Variants in TEX36 observed in about 807,000 individuals in gnomAD.
TEX36 encodes the protein testis-expressed protein 36.
Under a neutral mutation model 13.6 loss-of-function variants are expected in TEX36, and 12 were observed. That is an observed-to-expected ratio of 0.88 (90% CI 0.56 to 1.43). The LOEUF (loss-of-function observed/expected upper bound fraction) is 1.43, where lower values mean the gene tolerates loss of function less well. Among genes scored for constraint, TEX36 ranks in the 40% most tolerant of loss-of-function variants. The pLI is 0.00. For missense variants in TEX36, 224 were observed against 228.3 expected, an observed-to-expected ratio of 0.98 and a Z score of 0.12; for synonymous variants, 93 against 83.0, an observed-to-expected ratio of 1.12 and a Z score of -0.65.
intron 3 of TEX36, among the ~76,000 whole-genome samples, chr10:125,612,807 A>T (rs183290963): frequency 4.1e-4 from 49 of 120,436 alleles, no homozygotes; most frequent in African/African-American, 2.1e-3. Flanking sequence ...TTTTACAAAC[A>T]GGAAAAAAAA....
At chr10:125,657,237 A>G (rs1374192386) in intron 3 of TEX36, among the ~76,000 whole-genome samples, 1 of 152,198 alleles carries the variant, frequency 6.6e-6, no homozygotes. Flanking sequence ...TGCAAGCCAC[A>G]TTCCAATTAG....
intron 3 of TEX36, among the ~76,000 whole-genome samples, chr10:125,612,066 C>CTTTTCT (rs1003065074): frequency 2.0e-4 from 30 of 149,908 alleles, no homozygotes; most frequent in East Asian, 7.8e-4. Context: ...CTTTTCTTTT[C>CTTTTCT]TTTTCTTTTT....
chr10:125,628,865 G>A (rs192026680), intron 3 of TEX36, among the ~76,000 whole-genome samples: 101 of 152,296 alleles, frequency 6.6e-4, no homozygotes, highest in Admixed American at 1.2e-3. Context: ...TGGTAGGGGG[G>A]ACAGAAGAGT....
chr10:125,652,548 G>A (rs558829839), downstream of TEX36, among the ~76,000 whole-genome samples: 3 of 152,270 alleles, frequency 2.0e-5, no homozygotes, highest in East Asian at 5.8e-4. Flanking sequence ...AGAAAACCTA[G>A]GCAATACCCT....
rs545897684 is a variant in TEX36, at chr10:125,593,060, G to C, written c.265-16186C>G. On this transcript the variant is annotated intron_variant, in intron 3 of 3. Coordinates refer to the TEX36 transcript ENST00000532135. ...GTGATGGATTACATCACTGGCCACTGGTGATGAAATCAACCTTCATCCTCT... is the reference window on the plus strand; with the variant it reads ...GTGATGGATTACATCACTGGCCACTCGTGATGAAATCAACCTTCATCCTCT... Among the ~76,000 whole-genome samples, 6 of 152,322 alleles carry C rather than the reference G, an allele frequency of 3.9e-5. No individual in the cohort carries two copies. In the East Asian group the frequency reaches 7.7e-4, roughly 20 times the overall value.
At chr10:125,596,455 A>C (rs1306004973) in intron 3 of TEX36, among the ~76,000 whole-genome samples, 1 of 152,204 alleles carries the variant, frequency 6.6e-6, no homozygotes, top group Admixed American at 6.5e-5. Context: ...CCATGAATTA[A>C]GGAATACCAG....
At chr10:125,658,664 A>G (rs1230390472) in intron 3 of TEX36, among the ~76,000 whole-genome samples, 4 of 152,130 alleles carry the variant, frequency 2.6e-5, no homozygotes, top group African/African-American at 9.6e-5. Context: ...AGAATCTTAG[A>G]TTATACTCTG....
chr10:125,608,752 A>G (rs1202729517), intron 3 of TEX36, among the ~76,000 whole-genome samples: 1 of 152,212 alleles, frequency 6.6e-6, no homozygotes, highest in Non-Finnish European at 1.5e-5. Context: ...TGGAGTTGAC[A>G]GTCTAGAGAG....
chr10:125,597,692 G>A (rs1437041700), intron 3 of TEX36, among the ~76,000 whole-genome samples: 1 of 152,140 alleles, frequency 6.6e-6, no homozygotes, highest in African/African-American at 2.4e-5. Flanking sequence ...TTCACCTGTG[G>A]CCTGGAGGAC....
intron 3 of TEX36, among the ~76,000 whole-genome samples, chr10:125,612,686 C>G (rs1162985303): frequency 1.3e-5 from 2 of 151,976 alleles, no homozygotes; most frequent in Non-Finnish European, 2.9e-5. Context: ...GCTTTATAAG[C>G]AGGCAAACAT....
chr10:125,674,502 T>A (rs1315733061), intron 1 of TEX36, among the ~76,000 whole-genome samples: 1 of 152,230 alleles, frequency 6.6e-6, no homozygotes, highest in Non-Finnish European at 1.5e-5. Flanking sequence ...TAAAAGGCAC[T>A]CTGACTTTTT....
chr10:125,595,974 A>G (rs1358634645), intron 3 of TEX36, among the ~76,000 whole-genome samples: 1 of 152,286 alleles, frequency 6.6e-6, no homozygotes, highest in African/African-American at 2.4e-5. Context: ...ACAAAGAAAG[A>G]AATCTCACTT....
At chr10:125,599,721 C>A (rs17153249) in intron 3 of TEX36, among the ~76,000 whole-genome samples, 1 of 152,166 alleles carries the variant, frequency 6.6e-6, no homozygotes, top group African/African-American at 2.4e-5. Context: ...TAATATAATA[C>A]CCTTTGTATT....
intron 3 of TEX36, among the ~76,000 whole-genome samples, chr10:125,584,469 T>G (rs185043371): frequency 6.6e-6 from 1 of 152,380 alleles, no homozygotes; most frequent in East Asian, 1.9e-4. Flanking sequence ...AAAGTTTTTC[T>G]TTATGTTTTT....
downstream of TEX36, among the ~76,000 whole-genome samples, chr10:125,652,577 C>G (rs923246416): frequency 3.3e-5 from 5 of 152,178 alleles, no homozygotes; most frequent in Non-Finnish European, 4.4e-5. Flanking sequence ...TAGGCATGGG[C>G]AAGGACTTCA....
downstream of TEX36, among the ~76,000 whole-genome samples, chr10:125,616,895 T>C (rs1420067135): frequency 3.1e-4 from 47 of 151,368 alleles, no homozygotes; most frequent in Middle Eastern, 0.017. Context: ...TGTTAAAGTC[T>C]CCCATTATTA....
chr10:125,584,246 AG>A (rs1227699173), intron 3 of TEX36, among the ~76,000 whole-genome samples: 1 of 152,260 alleles, frequency 6.6e-6, no homozygotes, highest in Non-Finnish European at 1.5e-5. Context: ...AGCAGAGCCC[AG>A]CCAAAGCTGC....
chr10:125,593,791 A>C (rs543832816), intron 3 of TEX36, among the ~76,000 whole-genome samples: 1 of 152,346 alleles, frequency 6.6e-6, no homozygotes, highest in South Asian at 2.1e-4. Context: ...TTTGATGGGC[A>C]CAGAGTTTCT....
At chr10:125,590,303 GAGA>G (rs1191763603) in intron 3 of TEX36, among the ~76,000 whole-genome samples, 2 of 152,058 alleles carry the variant, frequency 1.3e-5, no homozygotes, top group Non-Finnish European at 1.5e-5. Flanking sequence ...TTTTTGTAGA[GAGA>G]AGGTTTCACT....
Sources: allele counts gnomAD v4.1 joint callset (sites outside exome capture counted in the v4.1 genomes callset), GRCh38; gene constraint gnomAD v4.1.1; transcripts MANE v1.5; gene names NCBI Gene and HGNC (gene_info 2026-07-23, HGNC 2026-07-21).